The following ATPAF1 variants were observed in gnomAD, a reference collection of about 807,000 sequenced individuals.
The protein encoded by ATPAF1 is homolog of yeast ATP11.
In ATPAF1, 26 loss-of-function variants were observed where a neutral mutation model predicts 43.9. That is an observed-to-expected ratio of 0.59 (90% CI 0.43 to 0.82). The LOEUF (loss-of-function observed/expected upper bound fraction) is 0.82, where lower values mean the gene tolerates loss of function less well. Among genes scored for constraint, ATPAF1 ranks in the 40% least tolerant of loss-of-function variants. The pLI, the probability that ATPAF1 is intolerant of heterozygous loss-of-function variation, is 0.00. For synonymous variants in ATPAF1, 157 were observed against 168.0 expected, an observed-to-expected ratio of 0.93 and a Z score of 0.50; for missense variants, 366 against 435.0, an observed-to-expected ratio of 0.84 and a Z score of 1.41.
At chr1:46,640,123 A>G (rs1251313003) in intron 8 of ATPAF1, among the ~76,000 whole-genome samples, 1 of 151,958 alleles carries the variant, frequency 6.6e-6, no homozygotes. Context: ...CCTCCCTTAT[A>G]TTTTCACTTT....
In ATPAF1 at chr1:46,668,168, C is replaced by T. The variant is rs971937052; in HGVS notation, c.155G>A (p.Gly52Asp). 5.0e-6 allele frequency: 7 copies of T among 1,403,402 alleles called. No homozygotes were observed. The Admixed American group carries it at 9.3e-5, about 19-fold the overall frequency. The allele number at this position is 1,403,402 out of a possible 1,614,324, so 86.9% of individuals were successfully genotyped here. A position where few individuals can be genotyped will look rare whatever the true frequency, so the allele number is the denominator to read the frequency against. Reference sequence around the variant, plus strand: ...GGCGCCCCCCTCGGGCCGGCCCGAGCCGGGGCGCACTGGGAAGACGCGCAG... The same window carrying T: ...GGCGCCCCCCTCGGGCCGGCCCGAGTCGGGGCGCACTGGGAAGACGCGCAG... Residue 52 changes from glycine to aspartate, a missense_variant, in exon 1 of 9, where the codon GGC becomes GAC. By Grantham distance (94) the Gly-to-Asp change is moderately conservative. Coordinates refer to ENST00000574428, the Ensembl canonical transcript of ATPAF1. This position sits in a 1 kb window ranked among gnomAD's most constrained non-coding sequence, Gnocchi z 4.4.
chr1:46,637,046 C>T lies in ATPAF1; in HGVS notation c.793-1076G>A, dbSNP rs1189106077. 3.3e-5 allele frequency among the ~76,000 whole-genome samples: 5 copies of T among 152,204 alleles called. No individual in the cohort carries two copies. The East Asian group carries it at 5.8e-4, about 18-fold the overall frequency. ...GAACCACTCAGCTAAGCTGCTACTA[C>T]AGAAACTGCGAGGTAATAAATGTTT... On this transcript the variant is annotated intron_variant, in intron 8 of 8. Transcript: ENST00000574428.
In ATPAF1 at chr1:46,643,076, A is replaced by G. The variant is rs886506351; in HGVS notation, c.792+118T>C. On this transcript the variant is annotated intron_variant, in intron 8 of 8. Coordinates refer to ENST00000574428, the Ensembl canonical transcript of ATPAF1. Reference sequence around the variant, plus strand: ...CAACTTCACTGTCAACTTTAAAATAAGTAAGAAACAAGGTATATGTAGCTC... The same window carrying G: ...CAACTTCACTGTCAACTTTAAAATAGGTAAGAAACAAGGTATATGTAGCTC... 11 of 779,042 alleles carry G rather than the reference A, an allele frequency of 1.4e-5. No homozygotes were observed. In the East Asian group the frequency reaches 3.0e-4, roughly 21 times the overall value. The allele number at this position is 779,042 out of a possible 1,614,324, so 48.3% of individuals were successfully genotyped here.
chr1:46,668,037 C>T lies in ATPAF1; in HGVS notation c.266+20G>A. ...CCTCCTCCCGCCTCCTGCCCGCCTCCAGCCAACCCAGGCCCGCACCTGCGC... is the reference window on the plus strand; with the variant it reads ...CCTCCTCCCGCCTCCTGCCCGCCTCTAGCCAACCCAGGCCCGCACCTGCGC... On this transcript the variant is annotated intron_variant, in intron 1 of 8. Transcript: ENST00000574428. The surrounding 1 kb of genome is among the most constrained non-coding windows in gnomAD (Gnocchi z 4.4). 7.4e-7 allele frequency: 1 copy of T among 1,349,302 alleles called. No homozygotes were observed. Among genetic ancestry groups the T allele is most frequent in the Non-Finnish European group, 9.5e-7 (1 of 1,052,340 alleles). The allele number at this position is 1,349,302 out of a possible 1,614,324, so 83.6% of individuals were successfully genotyped here. A position where few individuals can be genotyped will look rare whatever the true frequency, so the allele number is the denominator to read the frequency against.
chr1:46,647,804 A>G lies in ATPAF1; in HGVS notation c.589-2548T>C, dbSNP rs185717383. Among the ~76,000 whole-genome samples, 4 of 152,328 alleles carry G rather than the reference A, an allele frequency of 2.6e-5. No individual in the cohort carries two copies. In the East Asian group the frequency reaches 5.8e-4, roughly 22 times the overall value. On this transcript the variant is annotated intron_variant, in intron 6 of 8. Transcript: ENST00000574428. Reference sequence around the variant, plus strand: ...TATAGGAGAGTTCCAGGTGCTTCACATTCTTACCAATACTTGGTATGATCA... The same window carrying G: ...TATAGGAGAGTTCCAGGTGCTTCACGTTCTTACCAATACTTGGTATGATCA...
chr1:46,645,211 C>T, exon 7 of ATPAF1: 2 of 1,613,896 alleles, frequency 1.2e-6, no homozygotes, highest in Non-Finnish European at 1.7e-6. Context: ...GTCCATTGTC[C>T]TACAAAAAAC....
chr1:46,666,226 C>A, intron 1 of ATPAF1: 1 of 204,618 alleles, frequency 4.9e-6, no homozygotes. Context: ...CCTTCACTGT[C>A]ATGTAGATGG....
Position 46,653,940 on chromosome 1 carries a change from T to C in ATPAF1, c.490-73A>G. 2.1e-6 allele frequency: 3 copies of C among 1,406,912 alleles called. No homozygotes were observed. In the South Asian group the frequency reaches 3.6e-5, roughly 17 times the overall value. 87.2% of individuals were successfully genotyped at this position (1,406,912 alleles called of 1,614,324 possible). A position where few individuals can be genotyped will look rare whatever the true frequency, so the allele number is the denominator to read the frequency against. ...AACATGTGCCAAGAAATGGTGACAG[T>C]TTTCATTGCTCAGAGGAATATGCTA... On this transcript the variant is annotated intron_variant, in intron 4 of 8. Coordinates refer to ENST00000574428, the Ensembl canonical transcript of ATPAF1. The surrounding 1 kb of genome is among the most constrained non-coding windows in gnomAD (Gnocchi z 4.8).
intron 8 of ATPAF1, 26 bp from the exon 9 acceptor site, chr1:46,635,996 T>C (rs778313093): frequency 1.2e-6 from 2 of 1,610,574 alleles, no homozygotes; most frequent in Non-Finnish European, 1.7e-6. Flanking sequence ...AATAATGAGG[T>C]CCTTTCTTGC....
chr1:46,632,983 A>C (rs955355835), downstream of ATPAF1: 2 of 152,700 alleles, frequency 1.3e-5, no homozygotes. Flanking sequence ...ACAGGAAAGA[A>C]AGACCTGGCA....
At chr1:46,636,250 G>T in intron 8 of ATPAF1, 1 of 490,488 alleles carries the variant, frequency 2.0e-6, no homozygotes. Context: ...ATAGACCGTG[G>T]TTTGTTTTAT....
exon 9 of ATPAF1, chr1:46,635,815 T>C: frequency 6.2e-7 from 1 of 1,614,178 alleles, no homozygotes; most frequent in Non-Finnish European, 8.5e-7. Flanking sequence ...TCAGTTCTGC[T>C]CCAAGTCCGC....
At chr1:46,633,692 T>C (rs1675789551), downstream of ATPAF1, 1 of 455,860 alleles carries the variant, frequency 2.2e-6, no homozygotes, top group East Asian at 6.9e-5. Context: ...ACATCCTACT[T>C]GGCAGTTGGG....
exon 9 of ATPAF1, chr1:46,635,625 C>G: frequency 1.5e-6 from 1 of 656,304 alleles, no homozygotes; most frequent in Non-Finnish European, 2.6e-6. Context: ...AGTAATAGGG[C>G]TCATCTCTGT....
intron 8 of ATPAF1, 73 bp downstream of exon 8, chr1:46,643,121 T>C: frequency 8.0e-7 from 1 of 1,245,616 alleles, no homozygotes; most frequent in Non-Finnish European, 1.2e-6. Context: ...TTCTCTCTCA[T>C]GAGCTTTGGC....
At chr1:46,652,593 C>A (rs1430369111) in exon 6 of ATPAF1, 1 of 1,613,410 alleles carries the variant, frequency 6.2e-7, no homozygotes, top group South Asian at 1.1e-5. Context: ...TTGGACAGGA[C>A]TGAGCCCGGT....
intron 2 of ATPAF1, among the ~76,000 whole-genome samples, chr1:46,662,486 C>T (rs186629398): frequency 1.8e-3 from 264 of 150,410 alleles, no homozygotes; most frequent in Non-Finnish European, 2.9e-3. Flanking sequence ...GAATGCAGTG[C>T]CATGACCTCA....
chr1:46,658,971 C>T (rs1196704624), intron 2 of ATPAF1, among the ~76,000 whole-genome samples: 1 of 152,096 alleles, frequency 6.6e-6, no homozygotes, highest in Non-Finnish European at 1.5e-5. Context: ...GCGAGAGAAT[C>T]ATAAGGTCAG....
At chr1:46,642,107 A>G (rs530902961) in intron 8 of ATPAF1, among the ~76,000 whole-genome samples, 1 of 152,182 alleles carries the variant, frequency 6.6e-6, no homozygotes, top group Non-Finnish European at 1.5e-5. Flanking sequence ...TGGCAATTCC[A>G]TATTCTTGGA....
Sources: allele counts gnomAD v4.1 joint callset (sites outside exome capture counted in the v4.1 genomes callset), GRCh38; gene constraint gnomAD v4.1.1; non-coding constraint Gnocchi (gnomAD v3.1); transcripts MANE v1.5; gene names NCBI Gene and HGNC (gene_info 2026-07-23, HGNC 2026-07-21).